Variants in BTN2A1 observed in about 807,000 individuals in gnomAD.
BTN2A1 encodes the protein butyrophilin subfamily 2 member A1, also known as butyrophilin, subfamily 2, member A1.
BTN2A1 carries 41 observed loss-of-function variants against 34.5 expected under a neutral mutation model. The observed-to-expected ratio is 1.19, with a 90% confidence interval of 0.93 to 1.54. BTN2A1 has a LOEUF of 1.54. Among genes scored for constraint, BTN2A1 ranks in the 40% most tolerant of loss-of-function variants. The probability of loss-of-function intolerance (pLI) is 0.00; values close to 1 mark genes in which losing one functional copy is unlikely to be tolerated. For synonymous variants in BTN2A1, 267 were observed against 258.6 expected, an observed-to-expected ratio of 1.03 and a Z score of -0.31; for missense variants, 642 against 662.0, an observed-to-expected ratio of 0.97 and a Z score of 0.33.
At chr6:26,460,072 C>T (rs1168188669) in intron 3 of BTN2A1, among the ~76,000 whole-genome samples, 2 of 152,040 alleles carry the variant, frequency 1.3e-5, no homozygotes, top group African/African-American at 2.4e-5. Flanking sequence ...CAGCTGAGGC[C>T]GTGAGCAGGG....
At position 26,463,359 on chromosome 6, in the gene BTN2A1, C is replaced by T. The variant is rs757675892; in HGVS notation, c.546C>T (p.Tyr182=). 17 of 1,613,910 alleles carry T rather than the reference C, an allele frequency of 1.1e-5. No homozygotes were observed. Among genetic ancestry groups the T allele is most frequent in the African/African-American group, 5.3e-5 (4 of 74,864 alleles). Residue 182 remains tyrosine, a synonymous_variant, in exon 4 of 8, where the codon TAC becomes TAT. Coordinates refer to ENST00000312541, the MANE Select transcript of BTN2A1 (RefSeq NM_007049.5). ...CCCTCACAGTGTGGAGGGACCCCTA[C>T]GGTGGGGTTGCGCCTGCCCTGAAAG... ...PKPLTVWRDP[Y]GGVAPALKEV...
intron 7 of BTN2A1, among the ~76,000 whole-genome samples, chr6:26,475,557 T>C (rs565717972): frequency 1.1e-4 from 16 of 152,250 alleles, no homozygotes; most frequent in Non-Finnish European, 1.8e-4. Context: ...TTTTGTTTTG[T>C]TTTGTGAATG....
rs1031920569 is a variant in BTN2A1 at position 26,466,099 on chromosome 6, C to T, written c.982+11C>T. The T allele has an allele frequency of 6.2e-6, 10 of 1,613,396 alleles. No homozygotes were observed. The highest frequency in any genetic ancestry group is 2.2e-5 in the East Asian group (1 of 44,882). On this transcript the variant is annotated intron_variant, in intron 7 of 7. Coordinates refer to ENST00000312541, the MANE Select transcript of BTN2A1 (RefSeq NM_007049.5). Reference sequence around the variant, plus strand: ...CATTCTTACATGCTGGTGAGTGCCTCTGATGTTCCCTCAGATCTCAGCTTT... The same window carrying T: ...CATTCTTACATGCTGGTGAGTGCCTTTGATGTTCCCTCAGATCTCAGCTTT...
At chr6:26,465,117 T>C in intron 4 of BTN2A1, 68 bp from the exon 5 acceptor site, 2 of 1,366,654 alleles carry the variant, frequency 1.5e-6, no homozygotes, top group Non-Finnish European at 2.1e-6. Flanking sequence ...TCAAGTGTGC[T>C]CCTAGGGGCA....
chr6:26,476,558 G>C, exon 8 of BTN2A1: 1 of 297,728 alleles, frequency 3.4e-6, no homozygotes, highest in Non-Finnish European at 6.7e-6. Context: ...ACAGGATCTC[G>C]GGGCTGTGTC....
chr6:26,467,904 G>C (rs778056008), intron 7 of BTN2A1, 44 bp from the exon 8 acceptor site: 1 of 1,589,298 alleles, frequency 6.3e-7, no homozygotes, highest in Non-Finnish European at 8.6e-7. Context: ...ACAATCCCCA[G>C]GGTTCCTGAG....
chr6:26,461,312 T>C (rs1481967915), intron 3 of BTN2A1, among the ~76,000 whole-genome samples: 1 of 152,256 alleles, frequency 6.6e-6, no homozygotes, highest in Non-Finnish European at 1.5e-5. Flanking sequence ...CATTGTATTC[T>C]CTTTGTTAGG....
chr6:26,462,939 A>G, intron 3 of BTN2A1: 1 of 1,271,716 alleles, frequency 7.9e-7, no homozygotes, highest in Non-Finnish European at 1.0e-6. Context: ...ACAAGCATTT[A>G]TGGCAGACAG....
chr6:26,466,324 AT>A, intron 7 of BTN2A1, among the ~76,000 whole-genome samples: 1 of 152,328 alleles, frequency 6.6e-6, no homozygotes, highest in Admixed American at 6.5e-5. Flanking sequence ...TTTTGGAGTA[AT>A]TTAATGCATG....
chr6:26,468,148 G>C lies in BTN2A1; in HGVS notation c.1183G>C (p.Val395Leu), dbSNP rs781067055. Residue 395 changes from valine (V) to leucine (L), a missense_variant, in exon 8 of 8, where the codon GTG becomes CTG. By Grantham distance (32) the Val-to-Leu change is conservative. Transcript: ENST00000312541. ...TTACTGGGAGGTGGAGGTGGAAAAC[G>C]TGATTGAGTGGACTGTGGGGGTCTG... ...KHYWEVEVEN[V>L]IEWTVGVCRD... The C allele has an allele frequency of 1.2e-6, 2 of 1,614,066 alleles. No homozygotes were observed. The highest frequency in any genetic ancestry group is 1.6e-4 in the Middle Eastern group (1 of 6,084).
At chr6:26,467,610 C>A in intron 7 of BTN2A1, 2 of 1,234,056 alleles carry the variant, frequency 1.6e-6, no homozygotes, top group East Asian at 2.6e-5. Flanking sequence ...CCACGCCTGG[C>A]CAGAGATCAT....
rs776562846 is a variant in BTN2A1 at position 26,468,440 on chromosome 6, G to C, written c.1475G>C (p.Cys492Ser). The change falls in exon 8 of 8, where the codon TGT becomes TCT. Residue 492 changes from cysteine (C) to serine (S), a missense_variant. Cys to Ser is a moderately radical substitution (Grantham distance 112). Transcript: ENST00000312541. Reference protein sequence around the residue: ...VPVRPFFRLGCEDSPIFICPA... With the variant: ...VPVRPFFRLGSEDSPIFICPA... Reference sequence around the variant, plus strand: ...GTGAGGCCCTTCTTCAGGTTGGGGTGTGAGGACAGCCCCATCTTCATCTGC... The same window carrying C: ...GTGAGGCCCTTCTTCAGGTTGGGGTCTGAGGACAGCCCCATCTTCATCTGC... 2.5e-4 allele frequency: 399 copies of C among 1,613,894 alleles called. No homozygotes were observed. The highest frequency in any genetic ancestry group is 4.9e-4 in the East Asian group (22 of 44,890).
chr6:26,468,216 T>G lies in BTN2A1; in HGVS notation c.1251T>G (p.Pro417=). ...GGAAAGGGGAGGTCCTGCTGATTCC[T>G]CAGAATGGCTTCTGGACCTTGGAGA... The part of the protein sequence containing the change: ...VERKGEVLLI[P]QNGFWTLEMH... The change falls in exon 8 of 8, where the codon CCT becomes CCG. Residue 417 remains proline, a synonymous_variant. Coordinates refer to ENST00000312541, the MANE Select transcript of BTN2A1 (RefSeq NM_007049.5). 6.2e-7 allele frequency: 1 copy of G among 1,614,230 alleles called. No individual in the cohort carries two copies. Among genetic ancestry groups the G allele is most frequent in the Non-Finnish European group, 8.5e-7 (1 of 1,180,036 alleles).
intron 3 of BTN2A1, 146 bp downstream of exon 3, chr6:26,459,974 A>G: frequency 1.2e-5 from 3 of 260,278 alleles, no homozygotes; most frequent in Non-Finnish European, 2.0e-5. Context: ...ATTCCAGGGA[A>G]AAATCCTTCC....
chr6:26,466,186 T>C (rs561636247), intron 7 of BTN2A1, 98 bp downstream of exon 7: 2 of 1,587,894 alleles, frequency 1.3e-6, no homozygotes, highest in African/African-American at 1.4e-5. Flanking sequence ...CAGGGCAAGG[T>C]GGGGACAGCA....
intron 1 of BTN2A1, 137 bp from the exon 2 acceptor site, chr6:26,458,470 C>T: frequency 1.4e-6 from 1 of 695,622 alleles, no homozygotes; most frequent in Non-Finnish European, 2.6e-6. Flanking sequence ...TCTCTCGGGA[C>T]ATACCTGAGC....
rs1238817760 is a variant in BTN2A1, at chr6:26,465,967, G to T, written c.949G>T (p.Glu317Ter). The T allele has an allele frequency of 6.2e-7, 1 of 1,614,104 alleles. No homozygotes were observed. Among genetic ancestry groups the T allele is most frequent in the African/African-American group, 1.3e-5 (1 of 74,938 alleles). Reference sequence around the variant, plus strand: ...TTGTTTTTCAGAGAAACTTCAAGAAGAATTGCGTAAGTTTAGCCTTTCCTT... The same window carrying T: ...TTGTTTTTCAGAGAAACTTCAAGAATAATTGCGTAAGTTTAGCCTTTCCTT... ...ELQVKEKLQEELRWRRTFLHA... is the reference protein window; with the variant it reads ...ELQVKEKLQE Residue 317 changes from glutamate (E) to a stop codon, truncating the protein, a stop_gained, in exon 6 of 8, where the codon GAA (glutamate) becomes TAA (stop). Transcript: ENST00000312541. LOFTEE classifies it low-confidence loss of function (END_TRUNC).
chr6:26,476,222 C>A, exon 8 of BTN2A1: 1 of 1,499,158 alleles, frequency 6.7e-7, no homozygotes, highest in Non-Finnish European at 9.0e-7. Flanking sequence ...GAAGACACAG[C>A]AGGATTCAGA....
At chr6:26,476,527 C>T in exon 8 of BTN2A1, 1 of 332,398 alleles carries the variant, frequency 3.0e-6, no homozygotes, top group Non-Finnish European at 5.9e-6. Context: ...AGCTGGAGCC[C>T]AACCACTTCG....
Sources: allele counts gnomAD v4.1 joint callset (sites outside exome capture counted in the v4.1 genomes callset), GRCh38; gene constraint gnomAD v4.1.1; transcripts MANE v1.5; gene names NCBI Gene and HGNC (gene_info 2026-07-23, HGNC 2026-07-21).